The following ZDHHC15 variants were observed in gnomAD, a reference collection of about 807,000 sequenced individuals.
ZDHHC15 encodes the protein palmitoyltransferase ZDHHC15.
In ZDHHC15, 19 loss-of-function variants were observed where a neutral mutation model predicts 31.7. That is an observed-to-expected ratio of 0.60 (90% CI 0.42 to 0.88). ZDHHC15 has a LOEUF of 0.88. Among genes scored for constraint, ZDHHC15 ranks in the 40% least tolerant of loss-of-function variants. The probability of loss-of-function intolerance (pLI) is 0.00; values close to 1 mark genes in which losing one functional copy is unlikely to be tolerated. For missense variants in ZDHHC15, 209 were observed against 251.2 expected, an observed-to-expected ratio of 0.83 and a Z score of 1.14; for synonymous variants, 103 against 90.0, an observed-to-expected ratio of 1.14 and a Z score of -0.82.
intron 1 of ZDHHC15, among the ~76,000 whole-genome samples, chrX:75,510,047 G>T (rs1287096278): frequency 9.0e-6 from 1 of 111,644 alleles, no homozygotes; most frequent in Non-Finnish European, 1.9e-5. Context: ...ACATTTCTGA[G>T]TGTTTTCTGT....
chrX:75,393,502 G>A (rs1487238038), intron 10 of ZDHHC15, among the ~76,000 whole-genome samples: 1 of 111,273 alleles, frequency 9.0e-6, no homozygotes, highest in Non-Finnish European at 1.9e-5. Flanking sequence ...TAAACTCCTT[G>A]CCTCTCATGA....
rs765816665 is a variant in ZDHHC15 at position 75,422,806 on chromosome X, A to C, written c.737-816T>G. 2.7e-5 allele frequency among the ~76,000 whole-genome samples: 3 copies of C among 110,102 alleles called. No individual in the cohort carries two copies. In the South Asian group the frequency reaches 1.2e-3, roughly 44 times the overall value. ...AAATGGGTGCAAATACTTTTTTTTT[A>C]AATTTATTATTATTATACTTTAAGT... On this transcript the variant is annotated intron_variant, in intron 8 of 11. Coordinates refer to ENST00000373367, the MANE Select transcript of ZDHHC15 (RefSeq NM_144969.3).
intron 3 of ZDHHC15, among the ~76,000 whole-genome samples, chrX:75,457,110 A>G (rs973755345): frequency 1.8e-5 from 2 of 111,917 alleles, no homozygotes; most frequent in Non-Finnish European, 3.8e-5. Context: ...AATCTAAAAA[A>G]TATTTGATAT....
chrX:75,430,378 C>T (rs915462402), intron 5 of ZDHHC15, among the ~76,000 whole-genome samples: 2 of 111,442 alleles, frequency 1.8e-5, no homozygotes, highest in African/African-American at 6.5e-5. Context: ...GGAATAAGTA[C>T]TCAAGAGAAA....
At chrX:75,382,496 G>C (rs1238831960) in intron 10 of ZDHHC15, among the ~76,000 whole-genome samples, 7 of 111,956 alleles carry the variant, frequency 6.3e-5, no homozygotes, top group African/African-American at 2.3e-4. Flanking sequence ...GATGTTTTCA[G>C]AAATGAGGCC....
At chrX:75,433,589 T>C (rs1277916684) in intron 4 of ZDHHC15, among the ~76,000 whole-genome samples, 1 of 110,107 alleles carries the variant, frequency 9.1e-6, no homozygotes, top group East Asian at 2.9e-4. Flanking sequence ...TCCATCCAGG[T>C]TGCTGAGAAT....
chrX:75,373,633 T>C (rs1002173960), intron 11 of ZDHHC15, among the ~76,000 whole-genome samples: 1 of 111,664 alleles, frequency 9.0e-6, no homozygotes, highest in Non-Finnish European at 1.9e-5. Context: ...AACATTATGA[T>C]GATGGAAAAT....
chrX:75,490,661 T>C (rs1026152077), intron 2 of ZDHHC15, among the ~76,000 whole-genome samples: 5 of 111,499 alleles, frequency 4.5e-5, no homozygotes, highest in African/African-American at 1.6e-4. Flanking sequence ...TCCTCTTTTA[T>C]TTCATTGAGC....
At chrX:75,510,277 T>A (rs1295154601) in intron 1 of ZDHHC15, among the ~76,000 whole-genome samples, 2 of 111,421 alleles carry the variant, frequency 1.8e-5, no homozygotes, top group African/African-American at 3.3e-5. Context: ...CAGGTGATTC[T>A]GAGTTAGGTT....
At chrX:75,462,191 A>G (rs2084327770) in intron 3 of ZDHHC15, among the ~76,000 whole-genome samples, 1 of 112,592 alleles carries the variant, frequency 8.9e-6, no homozygotes, top group African/African-American at 3.2e-5. Flanking sequence ...GAAGGATATT[A>G]CATAATGGAA....
intron 2 of ZDHHC15, among the ~76,000 whole-genome samples, chrX:75,499,885 C>A (rs1224178751): frequency 1.8e-5 from 2 of 111,481 alleles, no homozygotes; most frequent in Non-Finnish European, 3.8e-5. Context: ...TGAAACCAGC[C>A]CAAATGCTCA....
intron 2 of ZDHHC15, among the ~76,000 whole-genome samples, chrX:75,485,482 G>A (rs1286719950): frequency 1.8e-5 from 2 of 110,445 alleles, no homozygotes; most frequent in Non-Finnish European, 3.8e-5. Flanking sequence ...CTGCACTGTG[G>A]TTGATGTTTC....
At chrX:75,373,070 G>C (rs939430743) in intron 11 of ZDHHC15, 125 bp from the exon 12 acceptor site, 1 of 111,059 alleles carries the variant, frequency 9.0e-6, no homozygotes, top group African/African-American at 3.3e-5. Flanking sequence ...GATCAGCACT[G>C]AAAAATGTTA....
At chrX:75,522,415 T>G (rs1399867395) in intron 1 of ZDHHC15, among the ~76,000 whole-genome samples, 3 of 111,410 alleles carry the variant, frequency 2.7e-5, no homozygotes, top group African/African-American at 9.8e-5. Flanking sequence ...GAACTCTCAG[T>G]AGGAAATCCC....
rs751858316 is a variant in ZDHHC15, at chrX:75,477,468, A to C, written c.258+1423T>G. The stretch of plus-strand genomic sequence containing the variant: ...TGGGGTATTGAAGTCTCCAACTATT[A>C]CTGTGTAACTGTTATTGTGTATTTT... On this transcript the variant is annotated intron_variant, in intron 3 of 11. Transcript: ENST00000373367. Among the ~76,000 whole-genome samples the C allele has an allele frequency of 5.4e-5, 6 of 111,700 alleles. No individual in the cohort carries two copies. In the South Asian group the frequency reaches 1.5e-3, roughly 28 times the overall value.
intron 1 of ZDHHC15, among the ~76,000 whole-genome samples, chrX:75,519,117 A>C (rs2085410191): frequency 9.1e-6 from 1 of 109,830 alleles, no homozygotes; most frequent in Non-Finnish European, 1.9e-5. Flanking sequence ...ACATTTTGGA[A>C]CTACATAGAG....
chrX:75,470,208 G>A (rs1244034348), intron 3 of ZDHHC15, among the ~76,000 whole-genome samples: 1 of 111,450 alleles, frequency 9.0e-6, no homozygotes, highest in East Asian at 2.9e-4. Flanking sequence ...AGGAAAACGC[G>A]AAAAGACTAG....
intron 1 of ZDHHC15, among the ~76,000 whole-genome samples, chrX:75,509,068 T>C (rs1459187050): frequency 9.0e-6 from 1 of 111,237 alleles, no homozygotes; most frequent in African/African-American, 3.3e-5. Flanking sequence ...ATAAAAACCC[T>C]AGAATAAAAC....
intron 1 of ZDHHC15, among the ~76,000 whole-genome samples, chrX:75,506,788 T>TA (rs1219450440): frequency 8.9e-6 from 1 of 112,210 alleles, no homozygotes; most frequent in Non-Finnish European, 1.9e-5. Context: ...ATTTCTTTTT[T>TA]AAAAAACTTT....
Sources: allele counts gnomAD v4.1 joint callset (sites outside exome capture counted in the v4.1 genomes callset), GRCh38; gene constraint gnomAD v4.1.1; transcripts MANE v1.5; gene names NCBI Gene and HGNC (gene_info 2026-07-23, HGNC 2026-07-21).